Variants in TMED1 observed in about 807,000 individuals in gnomAD.
The protein encoded by TMED1 is transmembrane p24 trafficking protein 1.
Under a neutral mutation model 21.2 loss-of-function variants are expected in TMED1, and 20 were observed. The ratio of observed to expected loss-of-function variants is 0.95; its 90% CI spans 0.67 to 1.37. The LOEUF (loss-of-function observed/expected upper bound fraction) is 1.37, where lower values mean the gene tolerates loss of function less well. Ranked by LOEUF, TMED1 falls within the 40% of genes most tolerant of loss-of-function variation. The probability of loss-of-function intolerance (pLI) is 0.00; values close to 1 mark genes in which losing one functional copy is unlikely to be tolerated. For synonymous variants in TMED1, 149 were observed against 134.7 expected (o/e 1.11, Z -0.74); for missense variants, 316 against 309.8 (o/e 1.02, Z -0.15).
chr19:10,832,785 C>T lies in TMED1; in HGVS notation c.*210G>A, dbSNP rs775481765. The T allele has an allele frequency of 9.7e-6, 6 of 615,742 alleles. No homozygotes were observed. Among genetic ancestry groups the T allele is most frequent in the Admixed American group, 5.9e-5 (2 of 34,094 alleles). The allele number at this position is 615,742 out of a possible 1,614,324, so 38.1% of individuals were successfully genotyped here. On this transcript the variant is annotated 3_prime_UTR_variant, in exon 4 of 4. Transcript: ENST00000214869. ...GCCCACCATGTGAGATTTCCAGGACCGTCGGTGCAGCCACTGAGCCGTCCC... is the reference window on the plus strand; with the variant it reads ...GCCCACCATGTGAGATTTCCAGGACTGTCGGTGCAGCCACTGAGCCGTCCC...
intron 1 of TMED1, 167 bp downstream of exon 1, chr19:10,835,842 G>C: frequency 1.0e-6 from 1 of 975,388 alleles, no homozygotes; most frequent in Non-Finnish European, 1.2e-6. Context: ...CTCCCCTTCC[G>C]CTCCCACACA....
In TMED1 at chr19:10,832,452, T is replaced by G; in HGVS notation, c.*543A>C. ...GCAGGCTCTTGTGATTTTCTGACCA[T>G]AATTTATTGACTCCAATGCCCAGGC... is the stretch of plus-strand genomic sequence containing the variant. On this transcript the variant is annotated 3_prime_UTR_variant, in exon 4 of 4. Coordinates refer to ENST00000214869, the MANE Select transcript of TMED1 (RefSeq NM_006858.4). 1.0e-6 allele frequency: 1 copy of G among 990,882 alleles called. No homozygotes were observed. Among genetic ancestry groups the G allele is most frequent in the Non-Finnish European group, 1.4e-6 (1 of 723,466 alleles). 61.4% of individuals were successfully genotyped at this position (990,882 alleles called of 1,614,324 possible).
chr19:10,836,003 C>G lies in TMED1; in HGVS notation c.183+6G>C. 3 of 1,585,308 alleles carry G rather than the reference C, an allele frequency of 1.9e-6. No individual in the cohort carries two copies. In the South Asian group the frequency reaches 3.4e-5, roughly 18 times the overall value. ...TCTGCTGGCCGCCCAGCCCGCGACCCTCTACCTGGTATTCGGTCTCGAGGC... is the reference window on the plus strand; with the variant it reads ...TCTGCTGGCCGCCCAGCCCGCGACCGTCTACCTGGTATTCGGTCTCGAGGC... On this transcript the variant is annotated splice_donor_region_variant and intron_variant, in intron 1 of 3. Transcript: ENST00000214869.
chr19:10,832,188 C>A lies in TMED1; in HGVS notation c.*807G>T. On this transcript the variant is annotated 3_prime_UTR_variant, in exon 4 of 4. Coordinates refer to ENST00000214869, the MANE Select transcript of TMED1 (RefSeq NM_006858.4). ...GCCTGGTGAAGCGGGGACCCCAGCG[C>A]TCCACCCCCTTCCTACCCTCAGGCC... is the stretch of plus-strand genomic sequence containing the variant. 1 of 943,768 alleles carries A rather than the reference C, an allele frequency of 1.1e-6. No individual in the cohort carries two copies. The highest frequency in any genetic ancestry group is 2.3e-5 in the Admixed American group (1 of 42,566). The allele number at this position is 943,768 out of a possible 1,614,324, so 58.5% of individuals were successfully genotyped here. A position where few individuals can be genotyped will look rare whatever the true frequency, so the allele number is the denominator to read the frequency against.
At position 10,833,063 on chromosome 19, in the gene TMED1, G is replaced by A. The variant is rs772469573; in HGVS notation, c.616C>T (p.Leu206=). ...WSAVNVAVLL[L]VAVLQVCTLK... Reference sequence around the variant, plus strand: ...GTGCAGACCTGCAGCACAGCCACCAGCAGCAGCACCGCCACGTTGACAGCT... The same window carrying A: ...GTGCAGACCTGCAGCACAGCCACCAACAGCAGCACCGCCACGTTGACAGCT... The change falls in exon 4 of 4, where the codon CTG becomes TTG. Residue 206 remains leucine, a synonymous_variant. Coordinates refer to ENST00000214869, the MANE Select transcript of TMED1 (RefSeq NM_006858.4). The A allele has an allele frequency of 1.2e-6, 2 of 1,613,980 alleles. No individual in the cohort carries two copies. Among genetic ancestry groups the A allele is most frequent in the Non-Finnish European group, 1.7e-6 (2 of 1,180,048 alleles).
rs2073427038 is a variant in TMED1, at chr19:10,836,161, C to T, written c.31G>A (p.Ala11Thr). The T allele has an allele frequency of 6.4e-7, 1 of 1,564,562 alleles. No homozygotes were observed. Among genetic ancestry groups the T allele is most frequent in the Non-Finnish European group, 8.6e-7 (1 of 1,156,392 alleles). Residue 11 changes from alanine to threonine, a missense_variant, in exon 1 of 4, where the codon GCC becomes ACC. By Grantham distance (58) the Ala-to-Thr change is moderately conservative. Coordinates refer to ENST00000214869, the MANE Select transcript of TMED1 (RefSeq NM_006858.4). Reference sequence around the variant, plus strand: ...ACTGGTGGCATTAGTAGCCACAAGGCCAGGGCTAGGGCCGCGCCGGCCGCC... The same window carrying T: ...ACTGGTGGCATTAGTAGCCACAAGGTCAGGGCTAGGGCCGCGCCGGCCGCC... Reference protein sequence around the residue: MMAAGAALALALWLLMPPVEV... With the variant: MMAAGAALALTLWLLMPPVEV...
chr19:10,833,225 CGGGAG>C lies in TMED1; in HGVS notation c.466-17_466-13del, dbSNP rs141139774. ...GTCTCAATGGACTCCTACAGGGCAG[CGGGAG>C]GGGAAGGGTCAGGCCTCCCTCCACC... is the stretch of plus-strand genomic sequence containing the variant. On this transcript the variant is annotated splice_polypyrimidine_tract_variant and intron_variant, in intron 3 of 3. Coordinates refer to ENST00000214869, the MANE Select transcript of TMED1 (RefSeq NM_006858.4). 4,867 of 1,603,490 alleles carry C rather than the reference CGGGAG, an allele frequency of 3.0e-3. 127 individuals carry two copies. In the African/African-American group the frequency reaches 0.058, roughly 19 times the overall value.
Position 10,832,451 on chromosome 19 carries a change from A to G in TMED1, c.*544T>C. On this transcript the variant is annotated 3_prime_UTR_variant, in exon 4 of 4. Transcript: ENST00000214869. ...AGCAGGCTCTTGTGATTTTCTGACC[A>G]TAATTTATTGACTCCAATGCCCAGG... The G allele has an allele frequency of 9.9e-7, 1 of 1,009,546 alleles. No individual in the cohort carries two copies. The highest frequency in any genetic ancestry group is 1.4e-6 in the Non-Finnish European group (1 of 740,396). 62.5% of individuals were successfully genotyped at this position (1,009,546 alleles called of 1,614,324 possible). A position where few individuals can be genotyped will look rare whatever the true frequency, so the allele number is the denominator to read the frequency against.
intron 1 of TMED1, 182 bp from the exon 2 acceptor site, chr19:10,835,535 T>C: frequency 6.9e-7 from 1 of 1,451,440 alleles, no homozygotes; most frequent in Non-Finnish European, 9.1e-7. Flanking sequence ...CCCTCATTGA[T>C]ATGACAGCTT....
In TMED1 at chr19:10,832,924, G is replaced by A; in HGVS notation, c.*71C>T. On this transcript the variant is annotated 3_prime_UTR_variant, in exon 4 of 4. Coordinates refer to ENST00000214869, the MANE Select transcript of TMED1 (RefSeq NM_006858.4). The stretch of plus-strand genomic sequence containing the variant: ...TTGGCAGGAAACTAAAATTGGGGAG[G>A]GACCCCCAAGTCTCATATGCACACA... The A allele has an allele frequency of 6.5e-7, 1 of 1,545,408 alleles. No homozygotes were observed. Among genetic ancestry groups the A allele is most frequent in the Admixed American group, 1.7e-5 (1 of 57,726 alleles).
rs761833091 is a variant in TMED1, at chr19:10,835,070, G to A, written c.329C>T (p.Ser110Phe). The A allele has an allele frequency of 1.2e-6, 2 of 1,614,234 alleles. No homozygotes were observed. Among genetic ancestry groups the A allele is most frequent in the African/African-American group, 1.3e-5 (1 of 75,066 alleles). Residue 110 changes from serine (S) to phenylalanine (F), a missense_variant, in exon 3 of 4, where the codon TCC (serine) becomes TTC (phenylalanine). By Grantham distance (155) the Ser-to-Phe change is radical (BLOSUM62 -2). Coordinates refer to ENST00000214869, the MANE Select transcript of TMED1 (RefSeq NM_006858.4). ...CAGCTTCTCGGAGATGGTGCTGAAG[G>A]AGTTGTCAAAGCACAGCTTGTAGTC... Reference protein sequence around the residue: ...AGDYKLCFDNSFSTISEKLVF... With the variant: ...AGDYKLCFDNFFSTISEKLVF...
Position 10,832,806 on chromosome 19 carries a change from G to A in TMED1, c.*189C>T, listed in dbSNP as rs1018252878. 1.4e-5 allele frequency: 9 copies of A among 649,500 alleles called. No individual in the cohort carries two copies. The highest frequency in any genetic ancestry group is 3.7e-5 in the African/African-American group (2 of 54,730). The allele number at this position is 649,500 out of a possible 1,614,324, so 40.2% of individuals were successfully genotyped here. On this transcript the variant is annotated 3_prime_UTR_variant, in exon 4 of 4. Transcript: ENST00000214869. ...GGACCGTCGGTGCAGCCACTGAGCCGTCCCTTCTACAAGCCAGAGGTGTTC... is the reference window on the plus strand; with the variant it reads ...GGACCGTCGGTGCAGCCACTGAGCCATCCCTTCTACAAGCCAGAGGTGTTC...
Position 10,832,470 on chromosome 19 carries a change from G to C in TMED1, c.*525C>G, listed in dbSNP as rs986504210. The C allele has an allele frequency of 1.2e-6, 1 of 826,280 alleles. No individual in the cohort carries two copies. The highest frequency in any genetic ancestry group is 1.7e-6 in the Non-Finnish European group (1 of 577,586). 51.2% of individuals were successfully genotyped at this position (826,280 alleles called of 1,614,324 possible). A position where few individuals can be genotyped will look rare whatever the true frequency, so the allele number is the denominator to read the frequency against. On this transcript the variant is annotated 3_prime_UTR_variant, in exon 4 of 4. Coordinates refer to ENST00000214869, the MANE Select transcript of TMED1 (RefSeq NM_006858.4). ...CTGACCATAATTTATTGACTCCAAT[G>C]CCCAGGCCACACCACCCTTTGTTAT...
At chr19:10,835,662 A>G (rs1053972320) in intron 1 of TMED1, 1 of 1,398,224 alleles carries the variant, frequency 7.2e-7, no homozygotes, top group Non-Finnish European at 9.3e-7. Context: ...CTTTTTCCTT[A>G]GTCTAACCCC....
At position 10,835,117 on chromosome 19, in the gene TMED1, C is replaced by T; in HGVS notation, c.282G>A (p.Thr94=). 1.2e-6 allele frequency: 2 copies of T among 1,613,110 alleles called. No homozygotes were observed. Among genetic ancestry groups the T allele is most frequent in the Non-Finnish European group, 8.5e-7 (1 of 1,179,310 alleles). Residue 94 remains threonine (T), a splice_region_variant and synonymous_variant, in exon 3 of 4, where the codon ACG becomes ACA. Coordinates refer to ENST00000214869, the MANE Select transcript of TMED1 (RefSeq NM_006858.4). ...AGTCCCCGGCCTCCGTTGGCTCCACCCTGGGCAGACAGACACACAGACATG... is the reference window on the plus strand; with the variant it reads ...AGTCCCCGGCCTCCGTTGGCTCCACTCTGGGCAGACAGACACACAGACATG... ...SESRKADGVH[T]VEPTEAGDYK... is the part of the protein sequence containing the mutation.
chr19:10,832,415 G>C lies in TMED1; in HGVS notation c.*580C>G, dbSNP rs2073368788. 8.2e-6 allele frequency: 10 copies of C among 1,215,816 alleles called. No homozygotes were observed. The highest frequency in any genetic ancestry group is 1.1e-5 in the Non-Finnish European group (10 of 923,016). The allele number at this position is 1,215,816 out of a possible 1,614,324, so 75.3% of individuals were successfully genotyped here. A position where few individuals can be genotyped will look rare whatever the true frequency, so the allele number is the denominator to read the frequency against. On this transcript the variant is annotated 3_prime_UTR_variant, in exon 4 of 4. Transcript: ENST00000214869. ...CCGGTCTGTCCTGGCTGGTGTCCCTGAGCCCCAATCAGCAGGCTCTTGTGA... is the reference window on the plus strand; with the variant it reads ...CCGGTCTGTCCTGGCTGGTGTCCCTCAGCCCCAATCAGCAGGCTCTTGTGA...
Position 10,836,198 on chromosome 19 carries a change from C to G in TMED1, c.-7G>C. ...CCGCGCCGGCCGCCATCATCCGGGT[C>G]ACCCTCTGGTCTGCAAAGGGGTCGC... On this transcript the variant is annotated 5_prime_UTR_variant, in exon 1 of 4. Coordinates refer to ENST00000214869, the MANE Select transcript of TMED1 (RefSeq NM_006858.4). 6.5e-7 allele frequency: 1 copy of G among 1,546,288 alleles called. No homozygotes were observed. Among genetic ancestry groups the G allele is most frequent in the Non-Finnish European group, 8.7e-7 (1 of 1,149,474 alleles).
intron 1 of TMED1, 64 bp from the exon 2 acceptor site, chr19:10,835,417 C>T: frequency 6.2e-7 from 1 of 1,600,860 alleles, no homozygotes; most frequent in African/African-American, 1.3e-5. Context: ...CCGAAGAGGG[C>T]TACGGCTGAA....
At chr19:10,834,672 G>A (rs1022853523) in intron 3 of TMED1, 8 of 290,948 alleles carry the variant, frequency 2.7e-5, no homozygotes, top group Non-Finnish European at 4.6e-5. Flanking sequence ...TAGAGACGGG[G>A]TTTCACCATG....
Sources: gnomAD v4.1 joint callset for allele counts on GRCh38, gnomAD v4.1.1 for gene constraint, MANE v1.5 for transcripts, NCBI Gene and HGNC (gene_info 2026-07-23, HGNC 2026-07-21) for gene names.